TSPAN11: variants seen among roughly 807,000 people sequenced by gnomAD.
The protein encoded by TSPAN11 is tetraspanin 11.
A neutral mutation model predicts 32.9 loss-of-function variants in TSPAN11; 29 were observed. That is an observed-to-expected ratio of 0.88 (90% confidence interval 0.66 to 1.20). The LOEUF (loss-of-function observed/expected upper bound fraction) is 1.20, where lower values mean the gene tolerates loss of function less well. TSPAN11 is among the 50% of genes most tolerant of loss of function. TSPAN11 has a pLI of 0.00. For synonymous variants in TSPAN11, 140 were observed against 141.3 expected (o/e 0.99, Z 0.07); for missense variants, 283 against 329.1 (o/e 0.86, Z 1.08).
At chr12:30,960,550 G>C (rs563880042) in intron 2 of TSPAN11, among the ~76,000 whole-genome samples, 3 of 151,758 alleles carry the variant, frequency 2.0e-5, no homozygotes, top group Non-Finnish European at 4.4e-5. Context: ...TATTTCTCTC[G>C]GCCCCTCAGG....
At chr12:30,938,244 A>C (rs2140272936) in intron 1 of TSPAN11, among the ~76,000 whole-genome samples, 1 of 152,342 alleles carries the variant, frequency 6.6e-6, no homozygotes, top group Middle Eastern at 3.4e-3. Context: ...TGTCTGTTTA[A>C]AGAGATCAAT....
At chr12:30,962,774 G>T (rs1938639200) in intron 2 of TSPAN11, among the ~76,000 whole-genome samples, 1 of 152,130 alleles carries the variant, frequency 6.6e-6, no homozygotes, top group Admixed American at 6.5e-5. Context: ...ATGGGGGCAG[G>T]GAGACTAGCG....
intron 1 of TSPAN11, among the ~76,000 whole-genome samples, chr12:30,946,769 G>A (rs1393740210): frequency 1.3e-5 from 2 of 152,212 alleles, no homozygotes; most frequent in Non-Finnish European, 2.9e-5. Context: ...GGGCCTTTCA[G>A]AGGCCAAAGA....
At chr12:30,968,718 G>A (rs1336775938) in intron 3 of TSPAN11, among the ~76,000 whole-genome samples, 1 of 152,176 alleles carries the variant, frequency 6.6e-6, no homozygotes, top group Non-Finnish European at 1.5e-5. Context: ...TTTATTGGGA[G>A]TTCTTTTCTA....
chr12:30,962,472 A>G (rs1021377077), intron 2 of TSPAN11, among the ~76,000 whole-genome samples: 2 of 152,250 alleles, frequency 1.3e-5, no homozygotes, highest in Non-Finnish European at 2.9e-5. Context: ...AATGCAGAAT[A>G]TGTGCCCTGC....
intron 7 of TSPAN11, among the ~76,000 whole-genome samples, chr12:30,990,126 C>T (rs866233312): frequency 2.4e-4 from 36 of 149,678 alleles, no homozygotes; most frequent in African/African-American, 9.0e-4. Flanking sequence ...CATGCTTCAG[C>T]GTGGTGTTCA....
At chr12:30,932,391 T>C (rs1189679097) in intron 1 of TSPAN11, among the ~76,000 whole-genome samples, 1 of 152,232 alleles carries the variant, frequency 6.6e-6, no homozygotes, top group Non-Finnish European at 1.5e-5. Context: ...TCCGATTTCA[T>C]AGTGCATATA....
At chr12:31,015,279 G>A in the TSPAN11 span, among the ~76,000 whole-genome samples, 51 of 152,242 alleles carry the variant, frequency 3.3e-4, no homozygotes, top group Admixed American at 1.8e-3. The surrounding 1 kb of genome is among the most constrained non-coding windows in gnomAD (Gnocchi z 4.9). Flanking sequence ...CCGTACCCCT[G>A]TCTCATAAGG....
chr12:30,930,235 G>T (rs1232157452), intron 1 of TSPAN11, among the ~76,000 whole-genome samples: 1 of 152,166 alleles, frequency 6.6e-6, no homozygotes, highest in African/African-American at 2.4e-5. Flanking sequence ...TTTTCCAAGT[G>T]CCTGCTGTGA....
At chr12:30,931,531 A>G (rs967430437) in intron 1 of TSPAN11, among the ~76,000 whole-genome samples, 1 of 152,128 alleles carries the variant, frequency 6.6e-6, no homozygotes, top group Non-Finnish European at 1.5e-5. Flanking sequence ...CCTTTTATAG[A>G]TAAGCACTAG....
intron 2 of TSPAN11, among the ~76,000 whole-genome samples, chr12:30,957,553 T>C (rs1249397228): frequency 1.3e-5 from 2 of 152,198 alleles, no homozygotes; most frequent in African/African-American, 4.8e-5. Flanking sequence ...GGCTTTCTTG[T>C]GTGACTATGG....
intron 3 of TSPAN11, among the ~76,000 whole-genome samples, chr12:30,965,635 A>G (rs1285762275): frequency 6.6e-6 from 1 of 152,198 alleles, no homozygotes; most frequent in African/African-American, 2.4e-5. Context: ...AGCAACCTGC[A>G]AAGTCCCGGT....
intron 1 of TSPAN11, among the ~76,000 whole-genome samples, chr12:30,930,802 G>A (rs1175180031): frequency 2.0e-5 from 3 of 152,186 alleles, no homozygotes; most frequent in Admixed American, 6.5e-5. Context: ...GGCTGGGTAG[G>A]CCCCAGGCCA....
At chr12:31,012,603 T>C in the TSPAN11 span, 1 of 152,200 alleles carries the variant, frequency 6.6e-6, no homozygotes, top group Non-Finnish European at 1.5e-5. Context: ...AACTCAGGCT[T>C]CCAGGAAGGA....
intron 3 of TSPAN11, among the ~76,000 whole-genome samples, chr12:30,967,538 G>A (rs1938757877): frequency 6.6e-6 from 1 of 152,212 alleles, no homozygotes. Context: ...CTCTTCTGTA[G>A]AGACTTGCCT....
chr12:31,013,922 C>T, the TSPAN11 span, among the ~76,000 whole-genome samples: 12 of 151,910 alleles, frequency 7.9e-5, no homozygotes, highest in Admixed American at 2.6e-4. Context: ...AAATACACAC[C>T]GAATTTCAGA....
Position 30,991,875 on chromosome 12 carries a change from C to A in TSPAN11, c.722C>A (p.Thr241Asn), listed in dbSNP as rs570457045. The stretch of plus-strand genomic sequence containing the variant: ...TGGCAGATCTGCGGGATGGTTCTCA[C>A]CTGCTGCTTGCACCAGAGGCTCCAG... ...ACLQICGMVL[T>N]CCLHQRLQRH... The change falls in exon 8 of 8, where the codon ACC (threonine) becomes AAC (asparagine). Residue 241 changes from threonine to asparagine, a missense_variant. By Grantham distance (65) the Thr-to-Asn change is moderately conservative. Coordinates refer to ENST00000546076, the MANE Select transcript of TSPAN11 (RefSeq NM_001370302.1). 2 of 1,614,206 alleles carry A rather than the reference C, an allele frequency of 1.2e-6. No individual in the cohort carries two copies. Among genetic ancestry groups the A allele is most frequent in the African/African-American group, 2.7e-5 (2 of 75,046 alleles).
chr12:30,965,148 G>T (rs1425298614), intron 3 of TSPAN11, among the ~76,000 whole-genome samples: 1 of 152,234 alleles, frequency 6.6e-6, no homozygotes, highest in African/African-American at 2.4e-5. Flanking sequence ...TGTTCCCTCT[G>T]TGTGGCACTG....
At chr12:30,936,488 C>T (rs1370800325) in intron 1 of TSPAN11, among the ~76,000 whole-genome samples, 1 of 152,174 alleles carries the variant, frequency 6.6e-6, no homozygotes, top group African/African-American at 2.4e-5. Context: ...CCACCAAACA[C>T]ACCCCTACAA....
Sources: gnomAD v4.1 joint callset for allele counts (sites outside exome capture counted in the v4.1 genomes callset) on GRCh38, gnomAD v4.1.1 for gene constraint, Gnocchi (gnomAD v3.1) non-coding constraint, MANE v1.5 for transcripts, NCBI Gene and HGNC (gene_info 2026-07-23, HGNC 2026-07-21) for gene names.